The following DERL1 variants were observed in gnomAD, a reference collection of about 807,000 sequenced individuals.
The protein encoded by DERL1 is derlin-1.
A neutral mutation model predicts 41.6 loss-of-function variants in DERL1; 24 were observed. That is an observed-to-expected ratio of 0.58 (90% CI 0.42 to 0.81). DERL1 has a LOEUF of 0.81. Ranked by LOEUF, DERL1 falls within the 30% of genes least tolerant of loss-of-function variation. The pLI is 0.00. For synonymous variants in DERL1, 124 were observed against 112.5 expected (o/e 1.10, Z -0.65); for missense variants, 260 against 314.3 (o/e 0.83, Z 1.31).
At chr8:123,019,827 T>C (rs1814710492) in intron 6 of DERL1, among the ~76,000 whole-genome samples, 1 of 152,160 alleles carries the variant, frequency 6.6e-6, no homozygotes, top group Non-Finnish European at 1.5e-5. Context: ...AAAGCCGACT[T>C]GCACCCTGAA....
intron 1 of DERL1, among the ~76,000 whole-genome samples, chr8:123,032,566 A>C (rs1441705306): frequency 1.3e-5 from 2 of 152,220 alleles, no homozygotes; most frequent in African/African-American, 4.8e-5. Context: ...ATATGTATCC[A>C]TGATGTGTCA....
At chr8:123,024,557 C>T (rs1039862966) in intron 3 of DERL1, among the ~76,000 whole-genome samples, 1 of 152,290 alleles carries the variant, frequency 6.6e-6, no homozygotes, top group African/African-American at 2.4e-5. Context: ...CACAGAGGGA[C>T]TGAATTACTA....
At chr8:123,035,115 G>A (rs2130492055) in intron 1 of DERL1, among the ~76,000 whole-genome samples, 1 of 152,192 alleles carries the variant, frequency 6.6e-6, no homozygotes. Flanking sequence ...CCTTGTTTTT[G>A]TCTGACTACA....
At chr8:123,028,921 G>C (rs1189202003) in intron 2 of DERL1, among the ~76,000 whole-genome samples, 2 of 152,030 alleles carry the variant, frequency 1.3e-5, no homozygotes, top group African/African-American at 4.8e-5. Context: ...ACAAAAGTCA[G>C]CCAGGTGTGG....
intron 2 of DERL1, chr8:123,030,232 G>A (rs1812792641): frequency 6.2e-6 from 1 of 161,516 alleles, no homozygotes; most frequent in Non-Finnish European, 1.3e-5. Flanking sequence ...CAATCTAGGA[G>A]ACATATATAC....
chr8:123,021,306 G>C, intron 6 of DERL1, 141 bp downstream of exon 6: 1 of 750,442 alleles, frequency 1.3e-6, no homozygotes. Flanking sequence ...TTCAATCGAA[G>C]TGAAATTATT....
chr8:123,020,007 A>G lies in DERL1; in HGVS notation c.507-702T>C, dbSNP rs114835898. ...CTTCAGACTTCACCTTCCTGGGTGG[A>G]AGAGCAGCTTTGCCAAGTTCAGAAC... On this transcript the variant is annotated intron_variant, in intron 6 of 7. Transcript: ENST00000259512. Among the ~76,000 whole-genome samples, 779 of 152,310 alleles carry G rather than the reference A, an allele frequency of 5.1e-3. 11 individuals carry two copies. The highest frequency in any genetic ancestry group is 0.018 in the African/African-American group (733 of 41,568).
intron 1 of DERL1, 79 bp downstream of exon 1, chr8:123,041,891 C>G (rs763464148): frequency 1.9e-4 from 275 of 1,462,900 alleles, no homozygotes; most frequent in Non-Finnish European, 2.4e-4. Flanking sequence ...CGCGCGCCCG[C>G]AACATGCCAG....
In DERL1 at chr8:123,023,698, T is replaced by C; in HGVS notation, c.357+15A>G. The C allele has an allele frequency of 6.2e-7, 1 of 1,604,570 alleles. No homozygotes were observed. The highest frequency in any genetic ancestry group is 8.5e-7 in the Non-Finnish European group (1 of 1,175,652). On this transcript the variant is annotated intron_variant, in intron 4 of 7. Coordinates refer to ENST00000259512, the MANE Select transcript of DERL1 (RefSeq NM_024295.6). Reference sequence around the variant, plus strand: ...CAAATAAAAGGGCAAATAGATAGTTTAAATGGACACTTACCTGCATATCCA... The same window carrying C: ...CAAATAAAAGGGCAAATAGATAGTTCAAATGGACACTTACCTGCATATCCA...
In DERL1 at chr8:123,036,456, G is replaced by A. The variant is rs79859001; in HGVS notation, c.153+5514C>T. ...AATCAAGAGCATAGTCACCCTTAGA[G>A]AGGACAGTGACCAGAAGGAAGCAGG... On this transcript the variant is annotated intron_variant, in intron 1 of 7. Coordinates refer to ENST00000259512, the MANE Select transcript of DERL1 (RefSeq NM_024295.6). Among the ~76,000 whole-genome samples, 900 of 152,320 alleles carry A rather than the reference G, an allele frequency of 5.9e-3. 2 individuals are homozygous for A. The highest frequency in any genetic ancestry group is 0.017 in the Middle Eastern group (5 of 294).
chr8:123,041,853 C>A, intron 1 of DERL1, 117 bp downstream of exon 1: 1 of 1,381,228 alleles, frequency 7.2e-7, no homozygotes. Context: ...CCGCCGGCGC[C>A]GGACCCACTA....
intron 1 of DERL1, among the ~76,000 whole-genome samples, chr8:123,040,321 A>G (rs1813021690): frequency 6.6e-6 from 1 of 152,270 alleles, no homozygotes; most frequent in Non-Finnish European, 1.5e-5. Flanking sequence ...CCTTGTCAAC[A>G]AGACGGCATT....
chr8:123,040,840 C>T (rs1167880547), intron 1 of DERL1, among the ~76,000 whole-genome samples: 1 of 152,124 alleles, frequency 6.6e-6, no homozygotes, highest in African/African-American at 2.4e-5. Flanking sequence ...TTGCTATTCA[C>T]TTCTAAGGCA....
In DERL1 at chr8:123,013,234, C is replaced by T. The variant is rs1698721538; in HGVS notation, c.*2213G>A. On this transcript the variant is annotated 3_prime_UTR_variant, in exon 8 of 8. Transcript: ENST00000259512. ...ATTCTGCATCCAGGAATTAATCCAGCAAAAAATACTGGGTACTTCCTAAAT... is the reference window on the plus strand; with the variant it reads ...ATTCTGCATCCAGGAATTAATCCAGTAAAAAATACTGGGTACTTCCTAAAT... 6.6e-6 allele frequency: 1 copy of T among 152,006 alleles called. No individual in the cohort carries two copies. The allele number at this position is 152,006 out of a possible 1,614,324, so 9.4% of individuals were successfully genotyped here.
At position 123,014,190 on chromosome 8, in the gene DERL1, T is replaced by C. The variant is rs1311631725; in HGVS notation, c.*1257A>G. 3.3e-5 allele frequency: 5 copies of C among 152,584 alleles called. No individual in the cohort carries two copies. Among genetic ancestry groups the C allele is most frequent in the African/African-American group, 7.2e-5 (3 of 41,448 alleles). 9.5% of individuals were successfully genotyped at this position (152,584 alleles called of 1,614,324 possible). ...TATTTGGTTATGAGCCAAGCTCTGA[T>C]AGGAAAAGCCCACCTACGAAAAAAA... On this transcript the variant is annotated 3_prime_UTR_variant, in exon 8 of 8. Transcript: ENST00000259512.
intron 7 of DERL1, chr8:123,018,951 T>A: frequency 2.0e-6 from 1 of 492,814 alleles, no homozygotes; most frequent in Non-Finnish European, 3.6e-6. Flanking sequence ...CTGAGATGCC[T>A]CCTGTAATGT....
In DERL1 at chr8:123,013,963, T is replaced by A. The variant is rs1017336379; in HGVS notation, c.*1484A>T. 2.6e-5 allele frequency: 4 copies of A among 152,260 alleles called. No homozygotes were observed. Among genetic ancestry groups the A allele is most frequent in the African/African-American group, 9.6e-5 (4 of 41,540 alleles). 9.4% of individuals were successfully genotyped at this position (152,260 alleles called of 1,614,324 possible). A position where few individuals can be genotyped will look rare whatever the true frequency, so the allele number is the denominator to read the frequency against. On this transcript the variant is annotated 3_prime_UTR_variant, in exon 8 of 8. Coordinates refer to ENST00000259512, the MANE Select transcript of DERL1 (RefSeq NM_024295.6). ...CTCTCATTTCCTAGGATAACACACA[T>A]CACACTGTTTAAGAGTGGGGGAAAG...
At chr8:123,030,539 C>T in intron 2 of DERL1, 66 bp downstream of exon 2, 1 of 1,220,130 alleles carries the variant, frequency 8.2e-7, no homozygotes, top group South Asian at 1.4e-5. Flanking sequence ...CAAATTCCTC[C>T]AAAGTAAACA....
chr8:123,023,629 G>T, intron 4 of DERL1, 84 bp downstream of exon 4: 1 of 1,329,770 alleles, frequency 7.5e-7, no homozygotes, highest in Admixed American at 2.2e-5. Context: ...CATAGTTAAT[G>T]CAATTTCAAC....
Sources: gnomAD v4.1 joint callset for allele counts (sites outside exome capture counted in the v4.1 genomes callset) on GRCh38, gnomAD v4.1.1 for gene constraint, MANE v1.5 for transcripts, NCBI Gene and HGNC (gene_info 2026-07-23, HGNC 2026-07-21) for gene names.